Variants in PDE1C observed in about 807,000 individuals in gnomAD.
PDE1C encodes the protein dual specificity calcium/calmodulin-dependent 3',5'-cyclic nucleotide phosphodiesterase 1C.
In PDE1C, 62 loss-of-function variants were observed where a neutral mutation model predicts 93.1. The observed-to-expected ratio is 0.67, with a 90% CI of 0.54 to 0.82. The LOEUF is 0.82. Ranked by LOEUF, PDE1C falls within the 40% of genes least tolerant of loss-of-function variation. The pLI is 0.00. For synonymous variants in PDE1C, 325 were observed against 310.1 expected, an observed-to-expected ratio of 1.05 and a Z score of -0.50; for missense variants, 742 against 884.6, an observed-to-expected ratio of 0.84 and a Z score of 2.04.
chr7:32,154,437 T>C (rs1227840736), intron 3 of PDE1C, among the ~76,000 whole-genome samples: 3 of 152,130 alleles, frequency 2.0e-5, no homozygotes, highest in African/African-American at 7.2e-5. Context: ...CACCCAGTGA[T>C]AATATTTTAC....
chr7:31,936,708 A>G (rs1227182674), intron 2 of PDE1C, among the ~76,000 whole-genome samples: 1 of 152,194 alleles, frequency 6.6e-6, no homozygotes, highest in Non-Finnish European at 1.5e-5. Flanking sequence ...TTAAAGGGGT[A>G]GAGAGAAGAA....
chr7:31,643,142 G>A, the PDE1C span: 1 of 1,613,924 alleles, frequency 6.2e-7, no homozygotes, highest in Non-Finnish European at 8.5e-7. Context: ...AAAGTGCAAA[G>A]CCACCACAAT....
chr7:31,647,838 A>G, the PDE1C span, among the ~76,000 whole-genome samples: 43 of 152,292 alleles, frequency 2.8e-4, no homozygotes, highest in African/African-American at 9.4e-4. Flanking sequence ...GCAATATATA[A>G]CACTGCAGAT....
At chr7:32,126,121 C>G (rs1214844655) in intron 3 of PDE1C, among the ~76,000 whole-genome samples, 1 of 152,018 alleles carries the variant, frequency 6.6e-6, no homozygotes, top group Non-Finnish European at 1.5e-5. Flanking sequence ...TAGAACCTTT[C>G]TGGTCACTGG....
chr7:32,381,286 G>C (rs573600399), intron 1 of PDE1C, among the ~76,000 whole-genome samples: 1 of 151,736 alleles, frequency 6.6e-6, no homozygotes, highest in Admixed American at 6.6e-5. Context: ...GGTTGGCCCC[G>C]TTTCCCTTAC....
chr7:32,358,129 C>T (rs1483262957), intron 1 of PDE1C, among the ~76,000 whole-genome samples: 1 of 152,168 alleles, frequency 6.6e-6, no homozygotes, highest in African/African-American at 2.4e-5. Flanking sequence ...TTTCTGTTTT[C>T]CTCCTCCCCT....
At chr7:31,683,985 C>A in the PDE1C span, among the ~76,000 whole-genome samples, 1 of 152,198 alleles carries the variant, frequency 6.6e-6, no homozygotes, top group African/African-American at 2.4e-5. Flanking sequence ...ATGGACACAA[C>A]GGCTCCTTGC....
At chr7:32,258,383 G>A (rs1359322656) in intron 1 of PDE1C, among the ~76,000 whole-genome samples, 1 of 152,208 alleles carries the variant, frequency 6.6e-6, no homozygotes, top group Non-Finnish European at 1.5e-5. Flanking sequence ...TATTGGCGTT[G>A]ACTATTACTT....
At chr7:31,819,445 C>T (rs377371739) in intron 14 of PDE1C, among the ~76,000 whole-genome samples, 3 of 152,178 alleles carry the variant, frequency 2.0e-5, no homozygotes, top group East Asian at 1.9e-4. Context: ...CAGCTTCCAA[C>T]GACAGCAAGT....
chr7:31,702,907 T>C, the PDE1C span, among the ~76,000 whole-genome samples: 27 of 152,178 alleles, frequency 1.8e-4, no homozygotes, highest in Non-Finnish European at 3.4e-4. Flanking sequence ...AGGAGAAGAC[T>C]TGGTAGAAAA....
chr7:31,914,706 T>G (rs561424973), intron 2 of PDE1C, among the ~76,000 whole-genome samples: 1 of 152,336 alleles, frequency 6.6e-6, no homozygotes, highest in East Asian at 1.9e-4. Flanking sequence ...AAGATACCCA[T>G]GCCACACAGA....
chr7:32,052,581 C>T (rs1477481546), intron 1 of PDE1C, among the ~76,000 whole-genome samples: 1 of 152,164 alleles, frequency 6.6e-6, no homozygotes, highest in Non-Finnish European at 1.5e-5. Flanking sequence ...TCCCAGTTGA[C>T]CTTAGTTCCA....
the PDE1C span, among the ~76,000 whole-genome samples, chr7:31,624,637 A>G: frequency 1.3e-5 from 2 of 149,540 alleles, no homozygotes; most frequent in East Asian, 3.9e-4. Flanking sequence ...TGGATTAAAG[A>G]CTTAAACGTT....
At chr7:32,108,230 C>CAAAAAAAAAAAAAAAAAGAAAAAA (rs1798444261) in intron 3 of PDE1C, among the ~76,000 whole-genome samples, 1 of 77,062 alleles carries the variant, frequency 1.3e-5, no homozygotes, top group Non-Finnish European at 2.5e-5. Flanking sequence ...AAAAGCAAGA[C>CAAAAAAAAAAAAAAAAAGAAAAAA]AAAAAAAAAA....
chr7:32,301,686 T>C (rs896514860), upstream of PDE1C, among the ~76,000 whole-genome samples: 4 of 152,142 alleles, frequency 2.6e-5, no homozygotes, highest in Non-Finnish European at 4.4e-5. Context: ...CAAGAAAAAA[T>C]GAGTTCAAGA....
chr7:32,398,303 A>AAAAAAAAAAAAAAAG (rs1491212287), intron 1 of PDE1C, among the ~76,000 whole-genome samples: 2 of 48 alleles, frequency 0.042, no homozygotes, highest in East Asian at 0.5. Context: ...ACTCCGTCTC[A>AAAAAAAAAAAAAAAG]AAAAAAAAAA....
chr7:32,319,025 A>G (rs1337355517), intron 1 of PDE1C, among the ~76,000 whole-genome samples: 2 of 152,198 alleles, frequency 1.3e-5, no homozygotes, highest in Non-Finnish European at 2.9e-5. Context: ...TGCTCCCTTA[A>G]GCTGTTGCAA....
At chr7:32,322,542 T>C (rs1229582527) in intron 1 of PDE1C, among the ~76,000 whole-genome samples, 5 of 152,082 alleles carry the variant, frequency 3.3e-5, no homozygotes, top group African/African-American at 1.2e-4. Context: ...AGTTCAAGGA[T>C]GCAGTAAGCT....
chr7:31,822,499 A>G (rs1199988944), intron 14 of PDE1C, among the ~76,000 whole-genome samples: 1 of 152,170 alleles, frequency 6.6e-6, no homozygotes, highest in African/African-American at 2.4e-5. Flanking sequence ...GATAGTACCA[A>G]GGGCCACAAC....
Sources: allele counts gnomAD v4.1 joint callset (sites outside exome capture counted in the v4.1 genomes callset), GRCh38; gene constraint gnomAD v4.1.1; transcripts MANE v1.5; gene names NCBI Gene and HGNC (gene_info 2026-07-23, HGNC 2026-07-21).